Variants in CHD2 observed in about 807,000 individuals in gnomAD.
The protein encoded by CHD2 is ATP-dependent chromatin remodeler CHD2.
A neutral mutation model predicts 243.9 loss-of-function variants in CHD2; 28 were observed. The ratio of observed to expected loss-of-function variants is 0.11; its 90% CI spans 0.09 to 0.16. The LOEUF (loss-of-function observed/expected upper bound fraction) is 0.16, where lower values mean the gene tolerates loss of function less well. CHD2 is among the 10% of genes least tolerant of loss of function. The pLI is 1.00. For missense variants in CHD2, 1,386 were observed against 2,209.8 expected, an observed-to-expected ratio of 0.63 and a Z score of 7.47; for synonymous variants, 775 against 779.0, an observed-to-expected ratio of 0.99 and a Z score of 0.09.
intron 2 of CHD2, among the ~76,000 whole-genome samples, chr15:92,913,228 G>A (rs183512819): frequency 8.5e-4 from 130 of 152,308 alleles, no homozygotes; most frequent in South Asian, 6.8e-3. Flanking sequence ...ACGGGGTTTC[G>A]ATCTTTTCTG....
chr15:93,019,968 A>T, intron 37 of CHD2, 44 bp from the exon 38 acceptor site: 3 of 1,562,256 alleles, frequency 1.9e-6, no homozygotes, highest in African/African-American at 1.4e-5. Context: ...AGTGAAATTC[A>T]TCCATTTCTT....
intron 32 of CHD2, among the ~76,000 whole-genome samples, chr15:93,001,522 T>G (rs2054255892): frequency 6.6e-6 from 1 of 152,152 alleles, no homozygotes; most frequent in South Asian, 2.1e-4. Flanking sequence ...TTATTTATTA[T>G]GAGTTGCTTT....
Position 92,998,369 on chromosome 15 carries a change from A to C in CHD2, c.3886-130A>C. On this transcript the variant is annotated intron_variant, in intron 30 of 38. Coordinates refer to ENST00000394196, the MANE Select transcript of CHD2 (RefSeq NM_001271.4). The surrounding 1 kb of genome is among the most constrained non-coding windows in gnomAD (Gnocchi z 5.1). ...AGCCATGGACATGAGATAGGATCTG[A>C]GGCTTTATCTATATTTTGGGTGGTT... is the stretch of plus-strand genomic sequence containing the variant. 3 of 1,447,614 alleles carry C rather than the reference A, an allele frequency of 2.1e-6. No individual in the cohort carries two copies. Among genetic ancestry groups the C allele is most frequent in the African/African-American group, 1.4e-5 (1 of 70,528 alleles). The allele number at this position is 1,447,614 out of a possible 1,614,324, so 89.7% of individuals were successfully genotyped here. A position where few individuals can be genotyped will look rare whatever the true frequency, so the allele number is the denominator to read the frequency against.
At chr15:92,905,939 T>TA (rs2052613574) in intron 2 of CHD2, among the ~76,000 whole-genome samples, 1 of 152,218 alleles carries the variant, frequency 6.6e-6, no homozygotes, top group East Asian at 1.9e-4. Context: ...TTAGTTGTGT[T>TA]AATAGTATTT....
chr15:92,982,386 G>A (rs2053990766), intron 24 of CHD2, among the ~76,000 whole-genome samples: 1 of 152,198 alleles, frequency 6.6e-6, no homozygotes, highest in South Asian at 2.1e-4. Flanking sequence ...AACCTGATAG[G>A]GAGTCAGCTG....
chr15:92,911,677 G>A (rs1336440460), intron 2 of CHD2, among the ~76,000 whole-genome samples: 1 of 152,128 alleles, frequency 6.6e-6, no homozygotes, highest in Non-Finnish European at 1.5e-5. Flanking sequence ...GGAAGTTGCA[G>A]TGAGCTCAGA....
intron 34 of CHD2, among the ~76,000 whole-genome samples, chr15:93,005,401 C>T (rs1245441978): frequency 6.6e-6 from 1 of 152,118 alleles, no homozygotes; most frequent in Non-Finnish European, 1.5e-5. Context: ...GCCAGTGTGT[C>T]CTCAAGGTCC....
At chr15:92,904,556 T>C (rs1165686820) in intron 2 of CHD2, 12 of 1,009,726 alleles carry the variant, frequency 1.2e-5, no homozygotes, top group Non-Finnish European at 1.4e-5. Flanking sequence ...ACGCGTTTGC[T>C]CCTGGCAGTC....
chr15:92,949,340 T>A, intron 13 of CHD2: 4 of 752,954 alleles, frequency 5.3e-6, no homozygotes, highest in Non-Finnish European at 7.3e-6. Context: ...GAAACCTGTA[T>A]CATCATATGT....
intron 23 of CHD2, 106 bp from the exon 24 acceptor site, chr15:92,981,259 G>A (rs2053976706): frequency 1.4e-6 from 1 of 723,088 alleles, no homozygotes; most frequent in Admixed American, 2.5e-5. Context: ...AGGAGAATTG[G>A]TTTATTTGCA....
At chr15:93,006,837 C>T (rs1481221222) in intron 34 of CHD2, among the ~76,000 whole-genome samples, 1 of 152,246 alleles carries the variant, frequency 6.6e-6, no homozygotes, top group Non-Finnish European at 1.5e-5. Context: ...TGCTTTTCCT[C>T]TCACAGCAGT....
intron 2 of CHD2, among the ~76,000 whole-genome samples, chr15:92,917,153 ACAAGT>A (rs1428085108): frequency 2.6e-5 from 4 of 152,176 alleles, no homozygotes; most frequent in Non-Finnish European, 2.9e-5. Context: ...CGTCTGGGAA[ACAAGT>A]TACTTGTCTT....
At chr15:92,905,506 A>G (rs1388799577) in intron 2 of CHD2, among the ~76,000 whole-genome samples, 1 of 152,174 alleles carries the variant, frequency 6.6e-6, no homozygotes, top group Non-Finnish European at 1.5e-5. Flanking sequence ...GTAGTTAGCC[A>G]TAGTTTAGAG....
chr15:92,904,663 G>GA, intron 2 of CHD2: 1 of 1,288,778 alleles, frequency 7.8e-7, no homozygotes, highest in Non-Finnish European at 9.9e-7. Flanking sequence ...GCTGCTTTTG[G>GA]AGAAAAAGTG....
chr15:92,958,450 G>A (rs1000547822), intron 16 of CHD2, among the ~76,000 whole-genome samples: 7 of 152,116 alleles, frequency 4.6e-5, no homozygotes, highest in Admixed American at 6.5e-5. Context: ...GTCGTGTTCC[G>A]TCATTGGAAC....
At chr15:92,917,348 C>T (rs1174131499) in intron 2 of CHD2, among the ~76,000 whole-genome samples, 1 of 152,130 alleles carries the variant, frequency 6.6e-6, no homozygotes, top group Non-Finnish European at 1.5e-5. Context: ...TACCTGAGGT[C>T]CGGAGTTCAA....
At position 92,946,166 on chromosome 15, in the gene CHD2, A is replaced by G. The variant is rs2141795625; in HGVS notation, c.1327A>G (p.Ser443Gly). The G allele has an allele frequency of 1.9e-6, 3 of 1,613,820 alleles. No individual in the cohort carries two copies. Among genetic ancestry groups the G allele is most frequent in the Non-Finnish European group, 2.5e-6 (3 of 1,179,776 alleles). ...AAAGAAATTCCAGAATTGCATTGACAGCTTCCACAGTAGGAACAACTCAAA... is the reference window on the plus strand; with the variant it reads ...AAAGAAATTCCAGAATTGCATTGACGGCTTCCACAGTAGGAACAACTCAAA... ...IGKKFQNCID[S>G]FHSRNNSKTI... Residue 443 changes from serine (S) to glycine (G), a missense_variant, in exon 12 of 39, where the codon AGC (serine) becomes GGC (glycine). Physicochemically the swap from Ser to Gly is moderately conservative, Grantham distance 56. Transcript: ENST00000394196.
chr15:92,960,713 T>G (rs2053674965), intron 16 of CHD2, among the ~76,000 whole-genome samples: 2 of 141,040 alleles, frequency 1.4e-5, no homozygotes, highest in Admixed American at 7.0e-5. Context: ...GTGTTTTTTT[T>G]TTTTTTTTTT....
Position 92,946,128 on chromosome 15 carries a change from A to C in CHD2, c.1289A>C (p.Glu430Ala). Residue 430 changes from glutamate (E) to alanine (A), a missense_variant, in exon 12 of 39, where the codon GAA (glutamate) becomes GCA (alanine). Physicochemically the swap from Glu to Ala is moderately radical, Grantham distance 107 (BLOSUM62 -1). Around this residue, in one of 19 missense-constraint regions of CHD2, gnomAD observed 200 missense variants for 292.5 expected, o/e 0.68. Coordinates refer to ENST00000394196, the MANE Select transcript of CHD2 (RefSeq NM_001271.4). ...LPYSECSWED[E>A]ALIGKKFQNC... The stretch of plus-strand genomic sequence containing the variant: ...TATTCAGAGTGTAGCTGGGAAGATG[A>C]AGCCCTCATTGGAAAGAAATTCCAG... 1 of 1,613,486 alleles carries C rather than the reference A, an allele frequency of 6.2e-7. No individual in the cohort carries two copies. Among genetic ancestry groups the C allele is most frequent in the Non-Finnish European group, 8.5e-7 (1 of 1,179,570 alleles).
Sources: gnomAD v4.1 joint callset for allele counts (sites outside exome capture counted in the v4.1 genomes callset) on GRCh38, gnomAD v4.1.1 for gene constraint, gnomAD v4.1.1 regional missense constraint, Gnocchi (gnomAD v3.1) non-coding constraint, MANE v1.5 for transcripts, NCBI Gene and HGNC (gene_info 2026-07-23, HGNC 2026-07-21) for gene names.